CHRD: variants seen among roughly 807,000 people sequenced by gnomAD.
The protein encoded by CHRD is chordin.
Under a neutral mutation model 113.7 loss-of-function variants are expected in CHRD, and 69 were observed. The ratio of observed to expected loss-of-function variants is 0.61; its 90% CI spans 0.50 to 0.74. CHRD has a LOEUF of 0.74. Among genes scored for constraint, CHRD ranks in the 30% least tolerant of loss-of-function variants. The pLI, the probability that CHRD is intolerant of heterozygous loss-of-function variation, is 0.00. For missense variants in CHRD, 1,194 were observed against 1,295.8 expected, an observed-to-expected ratio of 0.92 and a Z score of 1.21; for synonymous variants, 561 against 540.8, an observed-to-expected ratio of 1.04 and a Z score of -0.52.
At chr3:184,386,436 C>T in intron 15 of CHRD, 56 bp from the exon 16 acceptor site, 5 of 1,524,044 alleles carry the variant, frequency 3.3e-6, no homozygotes, top group Admixed American at 4.8e-5. Context: ...CCAGCTGCCG[C>T]TGGTAAAGAC....
rs1208435000 is a variant in CHRD, at chr3:184,385,007, T to C, written c.1598-11T>C. ...CTTCTCACCTGTCATCTCTCCTCTG[T>C]CTGGACCCAGCGCTGCCCGTGCCCC... On this transcript the variant is annotated splice_polypyrimidine_tract_variant and intron_variant, in intron 13 of 22. Transcript: ENST00000204604. The C allele has an allele frequency of 1.9e-6, 3 of 1,613,232 alleles. No homozygotes were observed. The Admixed American group carries it at 5.0e-5, about 27-fold the overall frequency.
At chr3:184,383,462 G>A (rs758173589) in intron 11 of CHRD, 44 bp downstream of exon 11, 25 of 1,613,046 alleles carry the variant, frequency 1.5e-5, no homozygotes, top group Non-Finnish European at 2.0e-5. Context: ...GGTGGCGTGG[G>A]CAGCAGGCCC....
chr3:184,384,911 G>A lies in CHRD; in HGVS notation c.1598-107G>A. 7.7e-7 allele frequency: 1 copy of A among 1,304,794 alleles called. No individual in the cohort carries two copies. The allele number at this position is 1,304,794 out of a possible 1,614,324, so 80.8% of individuals were successfully genotyped here. Reference sequence around the variant, plus strand: ...TCTCCAGGCCCTGGACCTATGGACAGTGTCTTCCAGCTCGTGGAATGTGTG... The same window carrying A: ...TCTCCAGGCCCTGGACCTATGGACAATGTCTTCCAGCTCGTGGAATGTGTG... On this transcript the variant is annotated intron_variant, in intron 13 of 22. Coordinates refer to ENST00000204604, the Ensembl canonical transcript of CHRD. The surrounding 1 kb of genome is among the most constrained non-coding windows in gnomAD (Gnocchi z 4.4).
In CHRD at chr3:184,388,131, T is replaced by A; in HGVS notation, c.2554+98T>A. The A allele has an allele frequency of 6.0e-6, 6 of 993,292 alleles. No homozygotes were observed. Among genetic ancestry groups the A allele is most frequent in the African/African-American group, 1.6e-5 (1 of 63,018 alleles). 61.5% of individuals were successfully genotyped at this position (993,292 alleles called of 1,614,324 possible). ...GTGCTCAGTTAATTGAGCATTATAC[T>A]GAGCACTGCTCTGTGCCTAGCCTGG... is the stretch of plus-strand genomic sequence containing the variant. On this transcript the variant is annotated intron_variant, in intron 20 of 22. Coordinates refer to ENST00000204604, the Ensembl canonical transcript of CHRD. This position sits in a 1 kb window ranked among gnomAD's most constrained non-coding sequence, Gnocchi z 6.1.
chr3:184,383,775 CTTTT>C (rs58835715), intron 12 of CHRD, 133 bp downstream of exon 12: 868 of 424,408 alleles, frequency 2.0e-3, no homozygotes, highest in Middle Eastern at 4.3e-3. Flanking sequence ...ATTCATTTGA[CTTTT>C]TTTTTTTTTT....
At chr3:184,382,680 C>G in exon 8 of CHRD, 1 of 1,613,808 alleles carries the variant, frequency 6.2e-7, no homozygotes, top group Non-Finnish European at 8.5e-7. Context: ...CACAGCAGGG[C>G]GTAGGGGGCA....
Position 184,382,960 on chromosome 3 carries a change from G to A in CHRD, c.1065+22G>A, listed in dbSNP as rs749669434. On this transcript the variant is annotated intron_variant, in intron 9 of 22. Transcript: ENST00000204604. ...CCAGGTGAGTGGGGATCTGGCTCTC[G>A]CTGCCACCTGTCTTGGCCTCTTGCT... The A allele has an allele frequency of 3.7e-6, 6 of 1,613,146 alleles. No individual in the cohort carries two copies. The Admixed American group carries it at 5.0e-5, about 13-fold the overall frequency.
rs533681477 is a variant in CHRD, at chr3:184,385,666, CAAAAAAAAAAAAAAA to C, written c.1819-365_1819-351del. 8.2e-3 allele frequency among the ~76,000 whole-genome samples: 325 copies of C among 39,396 alleles called. 5 individuals carry two copies. The highest frequency in any genetic ancestry group is 0.021 in the Middle Eastern group (1 of 48). 25.8% of individuals were successfully genotyped at this position (39,396 alleles called of 152,430 possible). ...GGACAGAAAGAGCAAAAATCCGTCT[CAAAAAAAAAAAAAAA>C]AAAAAAAAAAAAAAGAGCTGGCATG... On this transcript the variant is annotated intron_variant, in intron 14 of 22. Transcript: ENST00000204604.
chr3:184,386,741 C>T (rs756604395), exon 16 of CHRD: 5 of 1,613,028 alleles, frequency 3.1e-6, no homozygotes, highest in Non-Finnish European at 4.2e-6. Flanking sequence ...GCTCTGCTCA[C>T]TCTGCACCTG....
At position 184,382,374 on chromosome 3, in the gene CHRD, G is replaced by A. The variant is rs1715574982; in HGVS notation, c.700-15G>A. 1.2e-6 allele frequency: 2 copies of A among 1,614,120 alleles called. No individual in the cohort carries two copies. Among genetic ancestry groups the A allele is most frequent in the Non-Finnish European group, 1.7e-6 (2 of 1,179,996 alleles). On this transcript the variant is annotated splice_polypyrimidine_tract_variant and intron_variant, in intron 6 of 22. Transcript: ENST00000204604. Reference sequence around the variant, plus strand: ...CAGTGTCTGAGCGTAGGGCCTTCTTGTCTCTCTGCTCCAGGTCTGTGGGGT... The same window carrying A: ...CAGTGTCTGAGCGTAGGGCCTTCTTATCTCTCTGCTCCAGGTCTGTGGGGT...
intron 22 of CHRD, 30 bp downstream of exon 22, chr3:184,389,025 G>T (rs757830098): frequency 1.3e-6 from 2 of 1,495,902 alleles, no homozygotes; most frequent in South Asian, 1.1e-5. Flanking sequence ...GTCAGCAGCT[G>T]TGAGTGGAGG....
At position 184,384,469 on chromosome 3, in the gene CHRD, AT is replaced by A; in HGVS notation, c.1441-67del. ...TGTGTGGGTGGAGTGGGGGCACAAA[AT>A]GGTCCAAGACTTCAGAACCTTGGAC... On this transcript the variant is annotated intron_variant, in intron 12 of 22. Transcript: ENST00000204604. This position sits in a 1 kb window ranked among gnomAD's most constrained non-coding sequence, Gnocchi z 4.4. 7.3e-7 allele frequency: 1 copy of A among 1,373,176 alleles called. No individual in the cohort carries two copies. 85.1% of individuals were successfully genotyped at this position (1,373,176 alleles called of 1,614,324 possible). A position where few individuals can be genotyped will look rare whatever the true frequency, so the allele number is the denominator to read the frequency against.
At chr3:184,382,479 C>T (rs1715592107) in exon 7 of CHRD, 2 of 1,614,102 alleles carry the variant, frequency 1.2e-6, no homozygotes, top group East Asian at 4.5e-5. Context: ...ACTCACTCAC[C>T]CTTCAGGGGA....
In CHRD at chr3:184,384,092, T is replaced by C. The variant is rs1715906274; in HGVS notation, c.1441-445T>C. Among the ~76,000 whole-genome samples, 1 of 152,134 alleles carries C rather than the reference T, an allele frequency of 6.6e-6. No individual in the cohort carries two copies. Among genetic ancestry groups the C allele is most frequent in the East Asian group, 1.9e-4 (1 of 5,180 alleles). On this transcript the variant is annotated intron_variant, in intron 12 of 22. Transcript: ENST00000204604. The surrounding 1 kb of genome is among the most constrained non-coding windows in gnomAD (Gnocchi z 4.4). ...GCCCGGCATGATTTGACATTTTTAG[T>C]GAGCCCCAGACTAGGGACTAGAGTA...
Position 184,388,513 on chromosome 3 carries a change from G to T in CHRD, c.2555-74G>T. On this transcript the variant is annotated intron_variant, in intron 20 of 22. Coordinates refer to ENST00000204604, the Ensembl canonical transcript of CHRD. The surrounding 1 kb of genome is among the most constrained non-coding windows in gnomAD (Gnocchi z 6.1). ...TAAGTGCCAGAAACTGCAACGTGCT[G>T]GGTATTCAAAGAGAATACTCATAAA... The T allele has an allele frequency of 1.3e-6, 2 of 1,507,064 alleles. No individual in the cohort carries two copies. Among genetic ancestry groups the T allele is most frequent in the Non-Finnish European group, 1.8e-6 (2 of 1,125,514 alleles). The allele number at this position is 1,507,064 out of a possible 1,614,324, so 93.4% of individuals were successfully genotyped here.
intron 15 of CHRD, 104 bp downstream of exon 15, chr3:184,386,263 T>C: frequency 7.6e-7 from 1 of 1,314,722 alleles, no homozygotes; most frequent in Non-Finnish European, 1.1e-6. Flanking sequence ...GTCCTGGGGG[T>C]GGTCGTATCA....
chr3:184,388,606 C>A lies in CHRD; in HGVS notation c.2574C>A (p.Pro858=), dbSNP rs1457636538. ...CAACAGTGGGGTCGGGGGCCCACCC[C>A]CAGCTGGGGGACCCCATGCAGGCTG... The change falls in exon 21 of 23, where the codon CCC becomes CCA. Residue 858 remains proline (P), a synonymous_variant. Coordinates refer to ENST00000204604, the Ensembl canonical transcript of CHRD. This position sits in a 1 kb window ranked among gnomAD's most constrained non-coding sequence, Gnocchi z 6.1. 1 of 1,611,798 alleles carries A rather than the reference C, an allele frequency of 6.2e-7. No homozygotes were observed. Among genetic ancestry groups the A allele is most frequent in the African/African-American group, 1.3e-5 (1 of 74,948 alleles).
In CHRD at chr3:184,387,476, A is replaced by G; in HGVS notation, c.2450A>G (p.Lys817Arg). The G allele has an allele frequency of 6.2e-7, 1 of 1,603,024 alleles. No individual in the cohort carries two copies. Among genetic ancestry groups the G allele is most frequent in the East Asian group, 2.2e-5 (1 of 44,814 alleles). Residue 817 changes from lysine to arginine, a missense_variant and splice_region_variant, in exon 19 of 23, where the codon AAG becomes AGG. By Grantham distance (26) the Lys-to-Arg change is conservative (BLOSUM62 2). Coordinates refer to ENST00000204604, the Ensembl canonical transcript of CHRD. This position sits in a 1 kb window ranked among gnomAD's most constrained non-coding sequence, Gnocchi z 6.1. ...ATTAAGTGTGCTGTCTGCACCTGCA[A>G]GGTATGGCCACCCAATCTTCTCTGG... is the stretch of plus-strand genomic sequence containing the variant.
chr3:184,386,961 G>A (rs1716416721), intron 17 of CHRD, 23 bp downstream of exon 17: 1 of 1,614,188 alleles, frequency 6.2e-7, no homozygotes, highest in East Asian at 2.2e-5. Context: ...CAGGGGAGTG[G>A]AGGGAGGAGT....
Sources: gnomAD v4.1 joint callset for allele counts (sites outside exome capture counted in the v4.1 genomes callset) on GRCh38, gnomAD v4.1.1 for gene constraint, Gnocchi (gnomAD v3.1) non-coding constraint, MANE v1.5 for transcripts, NCBI Gene and HGNC (gene_info 2026-07-23, HGNC 2026-07-21) for gene names.